The following ACSS3 variants were observed in gnomAD, a reference collection of about 807,000 sequenced individuals.
ACSS3 encodes acyl-CoA synthetase short-chain family member 3, mitochondrial.
ACSS3 carries 64 observed loss-of-function variants against 84.2 expected under a neutral mutation model. The observed-to-expected ratio is 0.76, with a 90% CI of 0.62 to 0.94. ACSS3 has a LOEUF of 0.94. Ranked by LOEUF, ACSS3 falls within the 40% of genes least tolerant of loss-of-function variation. The pLI is 0.00. For missense variants in ACSS3, 815 were observed against 867.6 expected, an observed-to-expected ratio of 0.94 and a Z score of 0.76; for synonymous variants, 317 against 310.1, an observed-to-expected ratio of 1.02 and a Z score of -0.23.
chr12:81,183,159 C>A (rs975107493), intron 8 of ACSS3, among the ~76,000 whole-genome samples: 1 of 152,098 alleles, frequency 6.6e-6, no homozygotes, highest in Non-Finnish European at 1.5e-5. Context: ...CACTTTTCCC[C>A]GTGTTAGCAC....
At chr12:81,144,095 C>A (rs1314011048) in intron 5 of ACSS3, among the ~76,000 whole-genome samples, 2 of 152,152 alleles carry the variant, frequency 1.3e-5, no homozygotes, top group Non-Finnish European at 2.9e-5. Context: ...GCTATAGCAT[C>A]AGTGTTCTGA....
At position 81,236,473 on chromosome 12, in the gene ACSS3, T is replaced by C. The variant is rs560375949; in HGVS notation, c.1719+3002T>C. On this transcript the variant is annotated intron_variant, in intron 13 of 15. Coordinates refer to ENST00000548058, the MANE Select transcript of ACSS3 (RefSeq NM_024560.4). ...AATCATGTTTGAATCATAGATCTTT[T>C]TTCATTTTTTCATTTTTAATCTATC... is the stretch of plus-strand genomic sequence containing the variant. Among the ~76,000 whole-genome samples the C allele has an allele frequency of 4.0e-5, 6 of 151,482 alleles. No individual in the cohort carries two copies. The South Asian group carries it at 1.2e-3, about 31-fold the overall frequency.
intron 1 of ACSS3, among the ~76,000 whole-genome samples, chr12:81,106,346 G>C (rs915199067): frequency 1.3e-5 from 2 of 152,184 alleles, no homozygotes; most frequent in African/African-American, 2.4e-5. Context: ...CTGATGATTT[G>C]TCGCTGTCTT....
intron 2 of ACSS3, among the ~76,000 whole-genome samples, chr12:81,130,500 T>C (rs184387720): frequency 6.6e-6 from 1 of 152,346 alleles, no homozygotes; most frequent in East Asian, 1.9e-4. Context: ...TAAATTTGTT[T>C]AAGTTCTTTG....
chr12:81,163,703 C>G (rs111584821), intron 7 of ACSS3, among the ~76,000 whole-genome samples: 1,957 of 152,218 alleles, frequency 0.013, 43 homozygotes, highest in African/African-American at 0.045. Flanking sequence ...TACCGACAAT[C>G]CTGATCCTGT....
At chr12:81,105,370 C>T (rs920071467) in intron 1 of ACSS3, among the ~76,000 whole-genome samples, 1 of 151,970 alleles carries the variant, frequency 6.6e-6, no homozygotes, top group African/African-American at 2.4e-5. Flanking sequence ...GGAATGGGCT[C>T]AACAGCAGAA....
At chr12:81,226,105 C>A (rs977186728) in intron 11 of ACSS3, among the ~76,000 whole-genome samples, 1 of 151,886 alleles carries the variant, frequency 6.6e-6, no homozygotes, top group African/African-American at 2.4e-5. Context: ...CTAGCTGTTG[C>A]TTTCCCCACT....
At chr12:81,092,609 T>G (rs1881742320) in intron 1 of ACSS3, among the ~76,000 whole-genome samples, 1 of 152,040 alleles carries the variant, frequency 6.6e-6, no homozygotes, top group Admixed American at 6.6e-5. Flanking sequence ...TTGTGCAGCC[T>G]CTCATTTTTT....
chr12:81,259,431 A>C lies in ACSS3; in HGVS notation c.*4509A>C, dbSNP rs774143082. The C allele has an allele frequency of 1.4e-5, 9 of 661,344 alleles. No homozygotes were observed. The South Asian group carries it at 1.5e-4, about 11-fold the overall frequency. 41.0% of individuals were successfully genotyped at this position (661,344 alleles called of 1,614,324 possible). ...TTTCATAAAAGCATCTGTTGTACAG[A>C]GTTTATGATGTAGATGATGTTTATT... On this transcript the variant is annotated 3_prime_UTR_variant, in exon 16 of 16. Transcript: ENST00000548058.
At chr12:81,224,504 C>T (rs913033724) in intron 11 of ACSS3, among the ~76,000 whole-genome samples, 8 of 151,516 alleles carry the variant, frequency 5.3e-5, no homozygotes, top group Non-Finnish European at 7.4e-5. Context: ...TCATTGATCA[C>T]ATTTTCTTAT....
chr12:81,089,999 C>T (rs1881570699), intron 1 of ACSS3, among the ~76,000 whole-genome samples: 2 of 151,952 alleles, frequency 1.3e-5, no homozygotes, highest in African/African-American at 2.4e-5. Context: ...ATGCTCTCTA[C>T]CTTCTGTTTT....
At chr12:81,145,189 T>G (rs1886282204) in intron 5 of ACSS3, among the ~76,000 whole-genome samples, 1 of 151,594 alleles carries the variant, frequency 6.6e-6, no homozygotes, top group Admixed American at 6.6e-5. Context: ...GTGCTGGGAT[T>G]ACAGGCATGA....
In ACSS3 at chr12:81,113,432, T is replaced by C. The variant is rs1026885726; in HGVS notation, c.456+3728T>C. Among the ~76,000 whole-genome samples, 3 of 152,316 alleles carry C rather than the reference T, an allele frequency of 2.0e-5. No individual in the cohort carries two copies. In the East Asian group the frequency reaches 5.8e-4, roughly 29 times the overall value. ...GTTCCTTTCCACACCACTTCATAAA[T>C]TCATTTTTTCACTTTCTTTTTAATT... On this transcript the variant is annotated intron_variant, in intron 2 of 15. Transcript: ENST00000548058.
At chr12:81,131,636 T>G (rs1258682511) in intron 2 of ACSS3, among the ~76,000 whole-genome samples, 2 of 152,192 alleles carry the variant, frequency 1.3e-5, no homozygotes, top group Admixed American at 6.5e-5. Context: ...CCTGCCTGAT[T>G]GCCCTGGCCA....
At chr12:81,197,904 C>T (rs924370830) in intron 8 of ACSS3, among the ~76,000 whole-genome samples, 1 of 152,118 alleles carries the variant, frequency 6.6e-6, no homozygotes, top group Non-Finnish European at 1.5e-5. Context: ...TTTCCAGCAT[C>T]GATTTCCCAT....
chr12:81,235,860 G>A (rs1454655156), intron 13 of ACSS3, among the ~76,000 whole-genome samples: 1 of 151,280 alleles, frequency 6.6e-6, no homozygotes, highest in Non-Finnish European at 1.5e-5. Flanking sequence ...TAGCTCTAGC[G>A]GTATTTTTGG....
intron 7 of ACSS3, among the ~76,000 whole-genome samples, chr12:81,160,515 C>T (rs1040129022): frequency 1.1e-4 from 16 of 152,134 alleles, no homozygotes; most frequent in African/African-American, 3.9e-4. Flanking sequence ...CTTGCTCTGC[C>T]TTTATGTACC....
chr12:81,221,386 A>T (rs967956411), intron 11 of ACSS3, among the ~76,000 whole-genome samples: 5 of 152,076 alleles, frequency 3.3e-5, no homozygotes, highest in African/African-American at 1.2e-4. Context: ...ATTACTTGGC[A>T]TTCTGAGATT....
Position 81,231,259 on chromosome 12 carries a change from A to G in ACSS3, c.1596+121A>G, listed in dbSNP as rs1409920833. 9 of 735,680 alleles carry G rather than the reference A, an allele frequency of 1.2e-5. No individual in the cohort carries two copies. The East Asian group carries it at 1.7e-4, about 14-fold the overall frequency. 45.6% of individuals were successfully genotyped at this position (735,680 alleles called of 1,614,324 possible). A position where few individuals can be genotyped will look rare whatever the true frequency, so the allele number is the denominator to read the frequency against. On this transcript the variant is annotated intron_variant, in intron 12 of 15. Transcript: ENST00000548058. ...AAAGAAACTTTTAAAGGTTATCTGG[A>G]CCAGTTTCCAGCTCCCAGGGATAAG...
Sources: gnomAD v4.1 joint callset for allele counts (sites outside exome capture counted in the v4.1 genomes callset) on GRCh38, gnomAD v4.1.1 for gene constraint, MANE v1.5 for transcripts, NCBI Gene and HGNC (gene_info 2026-07-23, HGNC 2026-07-21) for gene names.